COL26A1: variants seen among roughly 807,000 people sequenced by gnomAD.
The protein encoded by COL26A1 is collagen type XXVI alpha 1 chain, also known as collagen alpha-1(XXVI) chain.
Under a neutral mutation model 59.3 loss-of-function variants are expected in COL26A1, and 41 were observed. The observed-to-expected ratio is 0.69, with a 90% CI of 0.54 to 0.90. COL26A1 has a LOEUF of 0.90. Ranked by LOEUF, COL26A1 falls within the 40% of genes least tolerant of loss-of-function variation. The pLI, the probability that COL26A1 is intolerant of heterozygous loss-of-function variation, is 0.00. For missense variants in COL26A1, 612 were observed against 602.3 expected (o/e 1.02, Z -0.17); for synonymous variants, 266 against 256.0 (o/e 1.04, Z -0.37).
At chr7:101,504,884 G>A (rs905627633) in intron 3 of COL26A1, among the ~76,000 whole-genome samples, 22 of 152,006 alleles carry the variant, frequency 1.4e-4, no homozygotes, top group Non-Finnish European at 2.5e-4. Context: ...GGCTGGGCAC[G>A]GTGGCTCACG....
intron 3 of COL26A1, among the ~76,000 whole-genome samples, chr7:101,489,184 T>C (rs1794332065): frequency 6.6e-6 from 1 of 152,172 alleles, no homozygotes. Context: ...TTTTTCCTCT[T>C]GTGGGAATCA....
chr7:101,434,944 G>A (rs1792880825), intron 2 of COL26A1, among the ~76,000 whole-genome samples: 3 of 152,246 alleles, frequency 2.0e-5, no homozygotes, highest in African/African-American at 4.8e-5. Context: ...GACCTGGTCC[G>A]TGGGTTTCCC....
At chr7:101,375,293 T>G (rs909903652) in intron 1 of COL26A1, among the ~76,000 whole-genome samples, 7 of 152,116 alleles carry the variant, frequency 4.6e-5, no homozygotes, top group African/African-American at 1.7e-4. Context: ...TAGAACAATG[T>G]CTAGTATGTG....
intron 1 of COL26A1, among the ~76,000 whole-genome samples, chr7:101,374,559 C>T (rs1423912782): frequency 6.6e-6 from 1 of 152,146 alleles, no homozygotes; most frequent in African/African-American, 2.4e-5. Flanking sequence ...GGAGCTCCAG[C>T]CCTGTTGTAA....
intron 1 of COL26A1, among the ~76,000 whole-genome samples, chr7:101,371,601 TATAGTC>T (rs1285048447): frequency 6.7e-5 from 2 of 29,724 alleles, no homozygotes; most frequent in Non-Finnish European, 1.2e-4. Context: ...GCCCGGGAAA[TATAGTC>T]AGACCCTGTC....
intron 3 of COL26A1, among the ~76,000 whole-genome samples, chr7:101,476,299 A>G (rs1794044852): frequency 6.6e-6 from 1 of 151,802 alleles, no homozygotes; most frequent in Non-Finnish European, 1.5e-5. Context: ...TGCCTGGCCA[A>G]TTCTGTGGTG....
intron 3 of COL26A1, among the ~76,000 whole-genome samples, chr7:101,504,768 A>G (rs1389986483): frequency 2.0e-5 from 3 of 152,174 alleles, no homozygotes; most frequent in Non-Finnish European, 4.4e-5. Flanking sequence ...GTCACCGGCC[A>G]TGAAAGGCCA....
chr7:101,442,269 C>A (rs567577627), intron 2 of COL26A1, among the ~76,000 whole-genome samples: 59 of 151,926 alleles, frequency 3.9e-4, no homozygotes, highest in Non-Finnish European at 7.8e-4. Flanking sequence ...GGCCTGCTTT[C>A]GGCTGGCAGA....
intron 3 of COL26A1, among the ~76,000 whole-genome samples, chr7:101,449,167 ACCT>A (rs1410964652): frequency 6.6e-6 from 1 of 152,034 alleles, no homozygotes; most frequent in Non-Finnish European, 1.5e-5. Flanking sequence ...AGCAGGAAGG[ACCT>A]CCAAGGTGAA....
Position 101,367,918 on chromosome 7 carries a change from T to C in COL26A1, c.158+4728T>C, listed in dbSNP as rs1434974650. On this transcript the variant is annotated intron_variant, in intron 1 of 12. Transcript: ENST00000313669. ...CCTTGAGCTGACTAACAGAAGGATG[T>C]GGCTTTATTCTGGAAAGCTGGGTGT... Among the ~76,000 whole-genome samples, 4 of 152,232 alleles carry C rather than the reference T, an allele frequency of 2.6e-5. No individual in the cohort carries two copies. The East Asian group carries it at 7.7e-4, about 29-fold the overall frequency.
At chr7:101,420,837 G>A (rs1266684462) in intron 2 of COL26A1, among the ~76,000 whole-genome samples, 1 of 148,016 alleles carries the variant, frequency 6.8e-6, no homozygotes, top group African/African-American at 2.5e-5. Context: ...TTCAGCATCC[G>A]CAGAGAGATC....
chr7:101,505,553 C>G (rs1478906088), intron 3 of COL26A1, among the ~76,000 whole-genome samples: 2 of 152,166 alleles, frequency 1.3e-5, no homozygotes, highest in African/African-American at 2.4e-5. Context: ...GAAGCCAGTC[C>G]GAGTTCCAAA....
At chr7:101,387,374 GA>G (rs11386764) in intron 1 of COL26A1, among the ~76,000 whole-genome samples, 26 of 143,716 alleles carry the variant, frequency 1.8e-4, no homozygotes, top group African/African-American at 3.6e-4. Context: ...CCGACACACT[GA>G]AAAAAAAAAA....
At chr7:101,497,190 A>G (rs1013561530) in intron 3 of COL26A1, among the ~76,000 whole-genome samples, 5 of 152,122 alleles carry the variant, frequency 3.3e-5, no homozygotes, top group African/African-American at 1.2e-4. Flanking sequence ...GTGAGCCAAG[A>G]TCAGGCCATT....
intron 3 of COL26A1, among the ~76,000 whole-genome samples, chr7:101,524,393 C>G (rs1039701721): frequency 2.0e-5 from 3 of 152,126 alleles, no homozygotes; most frequent in Admixed American, 1.3e-4. Flanking sequence ...GACAATTTAT[C>G]AGGCACCTAC....
intron 3 of COL26A1, among the ~76,000 whole-genome samples, chr7:101,530,517 A>T (rs917099299): frequency 3.5e-5 from 5 of 142,238 alleles, no homozygotes; most frequent in Non-Finnish European, 7.6e-5. Flanking sequence ...AGTGAGCAAG[A>T]TTGCATCACT....
chr7:101,427,286 C>T lies in COL26A1; in HGVS notation c.281+7187C>T, dbSNP rs142958884. Among the ~76,000 whole-genome samples the T allele has an allele frequency of 5.1e-3, 776 of 152,312 alleles. 2 individuals carry two copies. Among genetic ancestry groups the T allele is most frequent in the Non-Finnish European group, 5.4e-3 (366 of 68,026 alleles). On this transcript the variant is annotated intron_variant, in intron 2 of 12. Transcript: ENST00000313669. The stretch of plus-strand genomic sequence containing the variant: ...CTTTGTTGTCCAGGCTGGTCTTGAA[C>T]TCCTGGCCTCAAGTGGCCATTCCAC...
rs770329760 is a variant in COL26A1 at position 101,540,037 on chromosome 7, A to G, written c.592A>G (p.Thr198Ala). ...CCCTGTGCCACGACAGAGAAGGCCC[A>G]CGGGCCCAGCCGGTGAGTGAGGGCT... ...AHPVPRQRRP[T>A]GPAGPPGQTG... The change falls in exon 5 of 13, where the codon ACG becomes GCG. Residue 198 changes from threonine (T) to alanine (A), a missense_variant. By Grantham distance (58) the Thr-to-Ala change is moderately conservative. Coordinates refer to ENST00000313669, the MANE Select transcript of COL26A1 (RefSeq NM_001278563.3). The G allele has an allele frequency of 6.2e-7, 1 of 1,612,486 alleles. No individual in the cohort carries two copies. Among genetic ancestry groups the G allele is most frequent in the African/African-American group, 1.3e-5 (1 of 74,844 alleles).
intron 2 of COL26A1, among the ~76,000 whole-genome samples, chr7:101,431,441 G>A (rs1792776510): frequency 6.6e-6 from 1 of 151,604 alleles, no homozygotes; most frequent in Admixed American, 6.6e-5. Flanking sequence ...TGTATTTTTA[G>A]TAGGGATGGG....
Sources: gnomAD v4.1 joint callset for allele counts (sites outside exome capture counted in the v4.1 genomes callset) on GRCh38, gnomAD v4.1.1 for gene constraint, MANE v1.5 for transcripts, NCBI Gene and HGNC (gene_info 2026-07-23, HGNC 2026-07-21) for gene names.